The following CDH12 variants were observed in gnomAD, a reference collection of about 807,000 sequenced individuals.
CDH12 encodes the protein cadherin 12, also known as cadherin-12.
CDH12 carries 41 observed loss-of-function variants against 74.1 expected under a neutral mutation model. The ratio of observed to expected loss-of-function variants is 0.55; its 90% CI spans 0.43 to 0.72. The LOEUF (loss-of-function observed/expected upper bound fraction) is 0.72. Among genes scored for constraint, CDH12 ranks in the 30% least tolerant of loss-of-function variants. The pLI is 0.00. For missense variants in CDH12, 945 were observed against 977.2 expected (o/e 0.97, Z 0.44); for synonymous variants, 399 against 355.0 (o/e 1.12, Z -1.39).
intron 2 of CDH12, among the ~76,000 whole-genome samples, chr5:22,481,552 C>T (rs1746386148): frequency 6.6e-6 from 1 of 152,096 alleles, no homozygotes; most frequent in Admixed American, 6.5e-5. Flanking sequence ...CCATTTGCAA[C>T]AATATGGATG....
At chr5:21,918,809 T>C (rs1754224129) in intron 6 of CDH12, among the ~76,000 whole-genome samples, 1 of 152,212 alleles carries the variant, frequency 6.6e-6, no homozygotes, top group Non-Finnish European at 1.5e-5. Context: ...TATACCATCA[T>C]ATTGTCATAT....
At chr5:22,226,020 CAGTTTGGAAAAAAGA>C (rs1225347389) in intron 3 of CDH12, among the ~76,000 whole-genome samples, 5 of 152,114 alleles carry the variant, frequency 3.3e-5, no homozygotes, top group African/African-American at 1.2e-4. Context: ...TCATGACCTT[CAGTTTGGAAAAAAGA>C]AGCTAGACGC....
chr5:22,588,607 G>A (rs570312509), intron 1 of CDH12, among the ~76,000 whole-genome samples: 2 of 151,718 alleles, frequency 1.3e-5, no homozygotes, highest in African/African-American at 2.4e-5. Context: ...ATATTTTTGG[G>A]AAAAAAACAT....
chr5:22,831,965 T>C (rs1311623100), intron 1 of CDH12, among the ~76,000 whole-genome samples: 1 of 152,104 alleles, frequency 6.6e-6, no homozygotes, highest in Non-Finnish European at 1.5e-5. Flanking sequence ...GTACTTAGAA[T>C]TCAACTTATC....
intron 2 of CDH12, among the ~76,000 whole-genome samples, chr5:22,409,716 G>C (rs1580617900): frequency 1.3e-5 from 2 of 152,108 alleles, no homozygotes; most frequent in African/African-American, 4.8e-5. Flanking sequence ...AATTTCAGTG[G>C]TGTGATGAGA....
intron 1 of CDH12, among the ~76,000 whole-genome samples, chr5:22,833,237 T>C (rs568195894): frequency 2.1e-4 from 32 of 152,250 alleles, no homozygotes; most frequent in African/African-American, 7.5e-4. Flanking sequence ...TCTGACAATA[T>C]CCCAATGTGC....
intron 3 of CDH12, among the ~76,000 whole-genome samples, chr5:22,316,917 C>G (rs2968384): frequency 6.6e-6 from 1 of 151,796 alleles, no homozygotes; most frequent in African/African-American, 2.4e-5. Context: ...TGGCTTTACT[C>G]TAAGATCATG....
At chr5:22,742,543 C>A (rs547204226) in intron 1 of CDH12, among the ~76,000 whole-genome samples, 1 of 152,150 alleles carries the variant, frequency 6.6e-6, no homozygotes, top group East Asian at 1.9e-4. Context: ...CCTAGGATAG[C>A]CAAATCAGAC....
intron 6 of CDH12, among the ~76,000 whole-genome samples, chr5:21,896,127 A>G (rs1042550965): frequency 1.3e-5 from 2 of 152,210 alleles, no homozygotes; most frequent in Non-Finnish European, 2.9e-5. Context: ...TAAATGAGGC[A>G]CAGTATCTGC....
At chr5:21,887,171 C>T (rs2150040101) in intron 6 of CDH12, among the ~76,000 whole-genome samples, 1 of 152,206 alleles carries the variant, frequency 6.6e-6, no homozygotes, top group Non-Finnish European at 1.5e-5. Context: ...TCCATTTTAT[C>T]TTTCTCTCTC....
chr5:21,764,309 G>A (rs1261419254), intron 12 of CDH12, among the ~76,000 whole-genome samples: 2 of 152,156 alleles, frequency 1.3e-5, no homozygotes, highest in South Asian at 2.1e-4. Context: ...GGGAAGCGGA[G>A]GTTGCAGTGA....
intron 3 of CDH12, among the ~76,000 whole-genome samples, chr5:22,309,071 G>A (rs1440804281): frequency 6.6e-6 from 1 of 152,090 alleles, no homozygotes; most frequent in Non-Finnish European, 1.5e-5. Flanking sequence ...AAATGGGAGA[G>A]TTTGCAAGCC....
chr5:21,968,228 A>G (rs192772633), intron 6 of CDH12, among the ~76,000 whole-genome samples: 1 of 152,324 alleles, frequency 6.6e-6, no homozygotes, highest in East Asian at 1.9e-4. Flanking sequence ...ACCCTTTCCA[A>G]TGTATTGACT....
chr5:22,265,018 T>C (rs1753657544), intron 3 of CDH12, among the ~76,000 whole-genome samples: 1 of 152,192 alleles, frequency 6.6e-6, no homozygotes, highest in African/African-American at 2.4e-5. Context: ...ATAACTTTTC[T>C]CTAAATAAGT....
Position 22,664,287 on chromosome 5 carries a change from G to T in CDH12, c.-522-158923C>A, listed in dbSNP as rs548098862. ...ACTGGGTAATTTATAAAGGAAAGAG[G>T]TTTAAATGACTCACATTCAGCATGG... is the stretch of plus-strand genomic sequence containing the variant. On this transcript the variant is annotated intron_variant, in intron 1 of 14. Transcript: ENST00000382254. Among the ~76,000 whole-genome samples the T allele has an allele frequency of 9.2e-5, 14 of 152,262 alleles. No homozygotes were observed. In the South Asian group the frequency reaches 2.9e-3, roughly 32 times the overall value.
chr5:22,125,753 C>T (rs1032417369), intron 4 of CDH12, among the ~76,000 whole-genome samples: 11 of 152,140 alleles, frequency 7.2e-5, no homozygotes, highest in East Asian at 1.9e-4. Flanking sequence ...GTAGCCTGCA[C>T]GCCCTGTCTC....
chr5:21,878,919 GAAAGAA>G (rs546814179), intron 6 of CDH12, among the ~76,000 whole-genome samples: 1 of 106,108 alleles, frequency 9.4e-6, no homozygotes, highest in Non-Finnish European at 1.9e-5. Context: ...AAGAAAGGAA[GAAAGAA>G]AAAGAAAGAA....
At chr5:22,751,053 AG>A (rs1745545653) in intron 1 of CDH12, among the ~76,000 whole-genome samples, 1 of 151,966 alleles carries the variant, frequency 6.6e-6, no homozygotes, top group South Asian at 2.1e-4. Context: ...TGACTTACTG[AG>A]GTACTGAGAA....
chr5:22,558,922 ATTAT>A (rs1202903508), intron 1 of CDH12, among the ~76,000 whole-genome samples: 1 of 152,112 alleles, frequency 6.6e-6, no homozygotes, highest in East Asian at 1.9e-4. Flanking sequence ...ATTAAAAACT[ATTAT>A]TTAAAGAAAC....
Sources: gnomAD v4.1 joint callset for allele counts (sites outside exome capture counted in the v4.1 genomes callset) on GRCh38, gnomAD v4.1.1 for gene constraint, MANE v1.5 for transcripts, NCBI Gene and HGNC (gene_info 2026-07-23, HGNC 2026-07-21) for gene names.